The following CYP4F12 variants were observed in gnomAD, a reference collection of about 807,000 sequenced individuals.
CYP4F12 encodes the protein cytochrome P450 4F12.
A neutral mutation model predicts 56.5 loss-of-function variants in CYP4F12; 60 were observed. The observed-to-expected ratio is 1.06, with a 90% confidence interval of 0.86 to 1.32. The LOEUF is 1.32. Ranked by LOEUF, CYP4F12 falls within the 40% of genes most tolerant of loss-of-function variation. The probability of loss-of-function intolerance (pLI) is 0.00; values close to 1 mark genes in which losing one functional copy is unlikely to be tolerated. For synonymous variants in CYP4F12, 263 were observed against 264.9 expected (o/e 0.99, Z 0.07); for missense variants, 711 against 683.5 (o/e 1.04, Z -0.45).
rs189002430 is a variant in CYP4F12, at chr19:15,697,032, G to A, written c.1522G>A (p.Ala508Thr). ...CAGGAAGCTGGAATTGATCATGCGC[G>A]CCGAGGGCGGGCTTTGGCTGCGGGT... ...PRRKLELIMR[A>T]EGGLWLRVEP... Residue 508 changes from alanine to threonine, a missense_variant, in exon 13 of 13, where the codon GCC (alanine) becomes ACC (threonine). By Grantham distance (58) the Ala-to-Thr change is moderately conservative. Transcript: ENST00000550308. 4.5e-4 allele frequency: 733 copies of A among 1,614,164 alleles called. 1 individual carries two copies. The highest frequency in any genetic ancestry group is 6.0e-4 in the Non-Finnish European group (705 of 1,179,960).
rs115722876 is a variant in CYP4F12 at position 15,674,545 on chromosome 19, C to G, written c.198+818C>G. On this transcript the variant is annotated intron_variant, in intron 2 of 12. Coordinates refer to ENST00000550308, the MANE Select transcript of CYP4F12 (RefSeq NM_023944.4). ...CACTCATTCCTCTGCTCACTCATTC[C>G]TCTCCTCATTCACTCCTTCCCCTCA... Among the ~76,000 whole-genome samples, 1,171 of 145,478 alleles carry G rather than the reference C, an allele frequency of 8.0e-3. 9 individuals are homozygous for G. Among genetic ancestry groups the G allele is most frequent in the African/African-American group, 0.031 (1,111 of 36,094 alleles).
chr19:15,686,850 G>C (rs985462165), intron 9 of CYP4F12, among the ~76,000 whole-genome samples: 31 of 152,220 alleles, frequency 2.0e-4, no homozygotes, highest in Non-Finnish European at 4.1e-4. Context: ...GACTGGACAT[G>C]TGTTTTGGAG....
chr19:15,692,984 A>T (rs568944501), intron 9 of CYP4F12, among the ~76,000 whole-genome samples: 1 of 152,174 alleles, frequency 6.6e-6, no homozygotes, highest in Non-Finnish European at 1.5e-5. Context: ...AGGCTGAGGC[A>T]GTAGAATCAC....
intron 5 of CYP4F12, 126 bp downstream of exon 5, chr19:15,680,645 T>C (rs1399934829): frequency 1.6e-6 from 2 of 1,253,954 alleles, no homozygotes; most frequent in Non-Finnish European, 2.3e-6. Flanking sequence ...TGAGCCTTGG[T>C]TTCCTCATCT....
In CYP4F12 at chr19:15,696,248, C is replaced by A. The variant is rs367712826; in HGVS notation, c.1314+23C>A. On this transcript the variant is annotated intron_variant, in intron 11 of 12. Transcript: ENST00000550308. ...GAGGTGCTGCCTTCCCCATTCACCA[C>A]CACCACCCCCATCCTCTACTTTTGT... 5 of 1,613,702 alleles carry A rather than the reference C, an allele frequency of 3.1e-6. No individual in the cohort carries two copies. The African/African-American group carries it at 5.3e-5, about 17-fold the overall frequency.
At chr19:15,696,349 C>T in intron 11 of CYP4F12, 81 bp from the exon 12 acceptor site, 1 of 1,610,418 alleles carries the variant, frequency 6.2e-7, no homozygotes, top group Non-Finnish European at 8.5e-7. Context: ...ATCACCTCAC[C>T]CCAAAACACA....
At chr19:15,690,859 A>AT (rs2007837285) in intron 9 of CYP4F12, among the ~76,000 whole-genome samples, 1 of 152,138 alleles carries the variant, frequency 6.6e-6, no homozygotes, top group African/African-American at 2.4e-5. Flanking sequence ...AGAGATACTT[A>AT]TTTGTCATCT....
chr19:15,677,127 A>C (rs62640401), intron 2 of CYP4F12, among the ~76,000 whole-genome samples: 810 of 8,652 alleles, frequency 0.094, 137 homozygotes, highest in East Asian at 0.22. Context: ...TCACTCATTC[A>C]TATCCTCACT....
chr19:15,686,179 C>T (rs995599322), intron 9 of CYP4F12, among the ~76,000 whole-genome samples: 2 of 152,178 alleles, frequency 1.3e-5, no homozygotes, highest in African/African-American at 2.4e-5. Flanking sequence ...CAAGCCAGAT[C>T]TGGTGGCTGT....
At chr19:15,690,306 C>T (rs908367661) in intron 9 of CYP4F12, among the ~76,000 whole-genome samples, 2 of 152,032 alleles carry the variant, frequency 1.3e-5, no homozygotes, top group Non-Finnish European at 2.9e-5. Context: ...AATAAACATA[C>T]CCGTCATCTC....
At chr19:15,694,535 A>C (rs995420521) in intron 9 of CYP4F12, among the ~76,000 whole-genome samples, 6 of 152,082 alleles carry the variant, frequency 3.9e-5, no homozygotes, top group Non-Finnish European at 8.8e-5. Flanking sequence ...TTGTCCATTG[A>C]TTTTGTATCC....
At chr19:15,676,106 T>C (rs2006906654) in intron 2 of CYP4F12, among the ~76,000 whole-genome samples, 1 of 152,140 alleles carries the variant, frequency 6.6e-6, no homozygotes, top group African/African-American at 2.4e-5. Context: ...AGAGAGCAAG[T>C]TCTTCCTTTC....
chr19:15,691,008 A>G (rs1033147506), intron 9 of CYP4F12, among the ~76,000 whole-genome samples: 1 of 152,124 alleles, frequency 6.6e-6, no homozygotes, highest in East Asian at 1.9e-4. Flanking sequence ...ACTGTGTCTG[A>G]CAGATATTTT....
intron 6 of CYP4F12, among the ~76,000 whole-genome samples, chr19:15,683,092 CAG>C (rs758130313): frequency 2.5e-4 from 34 of 134,026 alleles, no homozygotes; most frequent in Non-Finnish European, 3.0e-4. Context: ...GACAGAGAGA[CAG>C]AGAGAGAGAG....
intron 9 of CYP4F12, among the ~76,000 whole-genome samples, chr19:15,693,737 G>A (rs1253657343): frequency 6.7e-6 from 1 of 150,272 alleles, no homozygotes; most frequent in Non-Finnish European, 1.5e-5. Flanking sequence ...CATTGCTTTT[G>A]GTGTTTTAGA....
intron 9 of CYP4F12, among the ~76,000 whole-genome samples, chr19:15,687,208 C>T (rs111673276): frequency 0.27 from 41,382 of 150,634 alleles, 5,706 homozygotes; most frequent in African/African-American, 0.37. Flanking sequence ...ACCCGGGTGG[C>T]GGAGCTTGCA....
chr19:15,678,964 C>T (rs2007135562), intron 3 of CYP4F12, among the ~76,000 whole-genome samples: 1 of 152,182 alleles, frequency 6.6e-6, no homozygotes, highest in African/African-American at 2.4e-5. Context: ...TCAGTTCCTT[C>T]TACCTCATCC....
rs1465855201 is a variant in CYP4F12, at chr19:15,677,695, C to CT, written c.199-566_199-565insT. 8.6e-5 allele frequency among the ~76,000 whole-genome samples: 9 copies of CT among 104,378 alleles called. 2 individuals are homozygous for CT. The highest frequency in any genetic ancestry group is 2.8e-4 in the African/African-American group (8 of 28,704). The allele number at this position is 104,378 out of a possible 152,430, so 68.5% of individuals were successfully genotyped here. On this transcript the variant is annotated intron_variant, in intron 2 of 12. Coordinates refer to ENST00000550308, the MANE Select transcript of CYP4F12 (RefSeq NM_023944.4). Reference sequence around the variant, plus strand: ...CTCCTCACTCACTCATTCCTCTCCTCCCTCACTTATTCCTCTACCCACACA... The same window carrying CT: ...CTCCTCACTCACTCATTCCTCTCCTCTCCTCACTTATTCCTCTACCCACACA...
intron 1 of CYP4F12, 103 bp downstream of exon 1, chr19:15,673,238 G>A: frequency 1.8e-6 from 1 of 556,934 alleles, no homozygotes; most frequent in Non-Finnish European, 3.3e-6. Context: ...GGAAACTGGG[G>A]GTTTCCTGGT....
Sources: gnomAD v4.1 joint callset for allele counts (sites outside exome capture counted in the v4.1 genomes callset) on GRCh38, gnomAD v4.1.1 for gene constraint, MANE v1.5 for transcripts, NCBI Gene and HGNC (gene_info 2026-07-23, HGNC 2026-07-21) for gene names.